The following MBTD1 variants were observed in gnomAD, a reference collection of about 807,000 sequenced individuals.
MBTD1 encodes the protein MBT domain-containing protein 1.
Under a neutral mutation model 87.8 loss-of-function variants are expected in MBTD1, and 24 were observed. That is an observed-to-expected ratio of 0.27 (90% CI 0.20 to 0.38). MBTD1 has a LOEUF of 0.38. Ranked by LOEUF, MBTD1 falls within the 10% of genes least tolerant of loss-of-function variation. MBTD1 has a pLI of 1.00. For synonymous variants in MBTD1, 237 were observed against 248.6 expected (o/e 0.95, Z 0.44); for missense variants, 436 against 760.2 (o/e 0.57, Z 5.02).
chr17:51,198,014 T>C (rs2051237092), intron 12 of MBTD1, among the ~76,000 whole-genome samples: 2 of 152,312 alleles, frequency 1.3e-5, no homozygotes, highest in South Asian at 2.1e-4. Flanking sequence ...ACACCAGTGA[T>C]TCCTAAAGTT....
intron 2 of MBTD1, among the ~76,000 whole-genome samples, chr17:51,236,348 C>T (rs560625175): frequency 2.6e-5 from 4 of 152,114 alleles, no homozygotes; most frequent in African/African-American, 2.4e-5. Flanking sequence ...TGGGTTCAAG[C>T]GATTCTCCTG....
At position 51,259,416 on chromosome 17, in the gene MBTD1, C is replaced by T. The variant is rs1253762035; in HGVS notation, c.-112-210G>A. Among the ~76,000 whole-genome samples, 3 of 152,162 alleles carry T rather than the reference C, an allele frequency of 2.0e-5. No individual in the cohort carries two copies. The South Asian group carries it at 6.2e-4, about 32-fold the overall frequency. On this transcript the variant is annotated intron_variant, in intron 1 of 16. Transcript: ENST00000586178. ...CACTGCCCCCAAGGCAGATAGACAC[C>T]TTCCCCTGCAAAGCAACGAAACTGT... is the stretch of plus-strand genomic sequence containing the variant.
At chr17:51,189,732 G>T (rs375612572) in intron 16 of MBTD1, among the ~76,000 whole-genome samples, 18 of 152,216 alleles carry the variant, frequency 1.2e-4, no homozygotes, top group African/African-American at 3.6e-4. Flanking sequence ...CCAACAGAAA[G>T]TGAAAGCAGA....
intron 3 of MBTD1, among the ~76,000 whole-genome samples, chr17:51,221,579 T>C (rs2052892228): frequency 6.6e-6 from 1 of 152,220 alleles, no homozygotes; most frequent in Non-Finnish European, 1.5e-5. Context: ...CGGTTGGCTC[T>C]GTGCTTCCAT....
chr17:51,224,883 A>C, intron 3 of MBTD1, 125 bp downstream of exon 3: 1 of 523,220 alleles, frequency 1.9e-6, no homozygotes, highest in Non-Finnish European at 3.1e-6. Context: ...ATCTCGAATT[A>C]TAAACGTCAG....
chr17:51,193,669 GTGCAGT>G (rs2050921937), intron 13 of MBTD1, among the ~76,000 whole-genome samples, 159 bp from the exon 14 acceptor site: 1 of 152,196 alleles, frequency 6.6e-6, no homozygotes, highest in Non-Finnish European at 1.5e-5. Flanking sequence ...CCAGGCTGGA[GTGCAGT>G]AGTGCCCTCA....
chr17:51,244,825 T>C (rs1046022502), intron 2 of MBTD1, among the ~76,000 whole-genome samples: 1 of 152,190 alleles, frequency 6.6e-6, no homozygotes, highest in African/African-American at 2.4e-5. Context: ...AAATCAATAA[T>C]TTTTCCAAGG....
intron 16 of MBTD1, among the ~76,000 whole-genome samples, chr17:51,189,381 A>T (rs921049676): frequency 2.0e-5 from 3 of 152,240 alleles, no homozygotes; most frequent in Non-Finnish European, 4.4e-5. Flanking sequence ...GGAAATAGTG[A>T]AACATTATAG....
At chr17:51,247,335 AGT>A (rs1170432064) in intron 2 of MBTD1, among the ~76,000 whole-genome samples, 1 of 152,104 alleles carries the variant, frequency 6.6e-6, no homozygotes, top group Non-Finnish European at 1.5e-5. Flanking sequence ...TTTGTAATAT[AGT>A]GTGAGAGACT....
intron 13 of MBTD1, among the ~76,000 whole-genome samples, chr17:51,194,904 G>GA (rs2051011779): frequency 6.6e-6 from 1 of 151,784 alleles, no homozygotes; most frequent in Admixed American, 6.6e-5. Context: ...GGGAAAAAAA[G>GA]AAAAAAATCA....
At chr17:51,203,062 A>T in intron 9 of MBTD1, 78 bp downstream of exon 9, 1 of 1,316,628 alleles carries the variant, frequency 7.6e-7, no homozygotes, top group Non-Finnish European at 1.1e-6. Context: ...TCACAAAATT[A>T]AACCAATTCC....
Position 51,195,195 on chromosome 17 carries a change from T to TATA in MBTD1, c.1372+18_1372+19insTAT. 1.9e-6 allele frequency: 3 copies of TATA among 1,600,184 alleles called. No individual in the cohort carries two copies. Among genetic ancestry groups the TATA allele is most frequent in the Middle Eastern group, 1.7e-4 (1 of 5,998 alleles). ...GAAAGCAACAATTAAAACCCAGTGT[T>TATA]TATATTAGGATGAAGTACCTCTGGG... On this transcript the variant is annotated intron_variant, in intron 13 of 16. Transcript: ENST00000586178.
At chr17:51,232,425 C>A (rs1050814449) in intron 2 of MBTD1, among the ~76,000 whole-genome samples, 18 of 152,038 alleles carry the variant, frequency 1.2e-4, no homozygotes, top group African/African-American at 3.6e-4. Context: ...ATACTTTGGG[C>A]ATTGGAATTG....
chr17:51,193,308 G>A (rs2050901492), intron 14 of MBTD1, 120 bp downstream of exon 14: 1 of 676,646 alleles, frequency 1.5e-6, no homozygotes, highest in East Asian at 2.8e-5. Flanking sequence ...TGCTATATTT[G>A]TTTATATTAT....
In MBTD1 at chr17:51,179,484, TTATATATATATA is replaced by T. The variant is rs56750454; in HGVS notation, c.*1080_*1091del. 0.052 allele frequency: 1,810 copies of T among 35,036 alleles called. 63 individuals are homozygous for T. Among genetic ancestry groups the T allele is most frequent in the Admixed American group, 0.1 (224 of 2,176 alleles). 2.2% of individuals were successfully genotyped at this position (35,036 alleles called of 1,614,324 possible). Reference sequence around the variant, plus strand: ...ATCCTGAATACAATTAAAGACAATTTTATATATATATATATATATATATATATATATATATAT... The same window carrying T: ...ATCCTGAATACAATTAAAGACAATTTTATATATATATATATATATATATAT... On this transcript the variant is annotated 3_prime_UTR_variant, in exon 17 of 17. Coordinates refer to ENST00000586178, the MANE Select transcript of MBTD1 (RefSeq NM_017643.3).
At chr17:51,228,396 A>T (rs79986836) in intron 2 of MBTD1, among the ~76,000 whole-genome samples, 3,537 of 151,554 alleles carry the variant, frequency 0.023, 58 homozygotes, top group Non-Finnish European at 0.032. Context: ...TATTAAAAAA[A>T]TTTCCTTTTC....
intron 10 of MBTD1, among the ~76,000 whole-genome samples, chr17:51,202,453 T>C (rs1322834780): frequency 6.6e-6 from 1 of 152,202 alleles, no homozygotes; most frequent in Non-Finnish European, 1.5e-5. Context: ...GGCTGAATAA[T>C]AAAAGAAAGA....
chr17:51,254,834 T>C (rs2054990613), intron 2 of MBTD1, among the ~76,000 whole-genome samples: 1 of 152,316 alleles, frequency 6.6e-6, no homozygotes, highest in Middle Eastern at 3.4e-3. Flanking sequence ...AAGATGACCA[T>C]ATCAAAATTA....
At chr17:51,201,143 A>G (rs2051466208) in intron 12 of MBTD1, among the ~76,000 whole-genome samples, 1 of 152,120 alleles carries the variant, frequency 6.6e-6, no homozygotes, top group East Asian at 1.9e-4. Flanking sequence ...AAATGAACAA[A>G]CAAACAAAAA....
Sources: allele counts gnomAD v4.1 joint callset (sites outside exome capture counted in the v4.1 genomes callset), GRCh38; gene constraint gnomAD v4.1.1; transcripts MANE v1.5; gene names NCBI Gene and HGNC (gene_info 2026-07-23, HGNC 2026-07-21).